PRELID2: variants seen among roughly 807,000 people sequenced by gnomAD.
PRELID2 encodes PRELI domain-containing protein 2.
A neutral mutation model predicts 28.4 loss-of-function variants in PRELID2; 25 were observed. The ratio of observed to expected loss-of-function variants is 0.88; its 90% CI spans 0.64 to 1.23. The LOEUF (loss-of-function observed/expected upper bound fraction) is 1.23, where lower values mean the gene tolerates loss of function less well. Among genes scored for constraint, PRELID2 ranks in the 50% most tolerant of loss-of-function variants. The pLI is 0.00. For missense variants in PRELID2, 201 were observed against 214.4 expected, an observed-to-expected ratio of 0.94 and a Z score of 0.39; for synonymous variants, 76 against 71.6, an observed-to-expected ratio of 1.06 and a Z score of -0.31.
chr5:145,263,838 G>A, the PRELID2 span, among the ~76,000 whole-genome samples: 1 of 148,234 alleles, frequency 6.7e-6, no homozygotes, highest in Non-Finnish European at 1.5e-5. Context: ...GATAGAAATG[G>A]TAATTAAAAA....
At chr5:145,734,603 G>GA (rs1469563505) in intron 1 of PRELID2, among the ~76,000 whole-genome samples, 4 of 152,070 alleles carry the variant, frequency 2.6e-5, no homozygotes, top group East Asian at 3.9e-4. Context: ...CATGTTTTAT[G>GA]AAAAAATTGA....
intron 1 of PRELID2, among the ~76,000 whole-genome samples, chr5:145,621,416 A>T (rs1348386043): frequency 2.6e-5 from 4 of 152,172 alleles, no homozygotes. Context: ...GAGATTTGAC[A>T]TTCTATATCT....
chr5:145,386,733 T>C, the PRELID2 span, among the ~76,000 whole-genome samples: 1 of 152,216 alleles, frequency 6.6e-6, no homozygotes, highest in Non-Finnish European at 1.5e-5. Context: ...TATAGCTTAA[T>C]AATATCTCTC....
chr5:145,456,336 T>A, the PRELID2 span, among the ~76,000 whole-genome samples: 1 of 152,202 alleles, frequency 6.6e-6, no homozygotes, highest in Non-Finnish European at 1.5e-5. Context: ...TGCAGACTAT[T>A]TTGTGTAGCG....
At chr5:145,734,087 G>A (rs1756425983) in intron 1 of PRELID2, among the ~76,000 whole-genome samples, 1 of 152,106 alleles carries the variant, frequency 6.6e-6, no homozygotes, top group South Asian at 2.1e-4. Context: ...TAGAGCTTCT[G>A]GAAGAATGCA....
the PRELID2 span, among the ~76,000 whole-genome samples, chr5:145,280,921 C>T: frequency 0.37 from 55,691 of 151,568 alleles, 11,348 homozygotes; most frequent in African/African-American, 0.54. Flanking sequence ...ATGGCGGGGG[C>T]TGGAGTAGGG....
chr5:145,536,751 T>C (rs1345739003), intron 1 of PRELID2, among the ~76,000 whole-genome samples: 2 of 151,936 alleles, frequency 1.3e-5, no homozygotes, highest in Non-Finnish European at 1.5e-5. Context: ...AATAAGGACA[T>C]AGTATTTTTT....
At chr5:145,821,274 C>G (rs912929369) in intron 2 of PRELID2, among the ~76,000 whole-genome samples, 5 of 144,490 alleles carry the variant, frequency 3.5e-5, no homozygotes, top group African/African-American at 1.3e-4. Flanking sequence ...TGTGTAAGCC[C>G]TCTTCTGTGT....
At chr5:145,290,751 AAT>A in the PRELID2 span, among the ~76,000 whole-genome samples, 1 of 152,184 alleles carries the variant, frequency 6.6e-6, no homozygotes, top group East Asian at 1.9e-4. Flanking sequence ...AAGTATAAAA[AAT>A]AAAATAAAAT....
chr5:145,377,085 G>T, the PRELID2 span, among the ~76,000 whole-genome samples: 2 of 152,100 alleles, frequency 1.3e-5, no homozygotes, highest in Non-Finnish European at 2.9e-5. Flanking sequence ...CTGGTCTGAT[G>T]TATATTTGTT....
At chr5:145,384,199 C>A in the PRELID2 span, among the ~76,000 whole-genome samples, 2 of 152,130 alleles carry the variant, frequency 1.3e-5, no homozygotes, top group Non-Finnish European at 2.9e-5. Context: ...GCATTTCATA[C>A]TTCGCTAAAG....
intron 1 of PRELID2, among the ~76,000 whole-genome samples, chr5:145,705,739 T>C (rs1050089330): frequency 1.3e-5 from 2 of 152,164 alleles, no homozygotes; most frequent in South Asian, 4.1e-4. Flanking sequence ...CAGCTATAGA[T>C]AATATGCGAA....
At chr5:145,793,431 C>T (rs1402380454) in intron 5 of PRELID2, among the ~76,000 whole-genome samples, 2 of 152,004 alleles carry the variant, frequency 1.3e-5, no homozygotes, top group South Asian at 2.1e-4. Context: ...TCCACAGAAA[C>T]CATTTATGCA....
chr5:145,612,642 C>T (rs1220213703), intron 1 of PRELID2, among the ~76,000 whole-genome samples: 1 of 152,110 alleles, frequency 6.6e-6, no homozygotes, highest in Non-Finnish European at 1.5e-5. Flanking sequence ...CCCCAAAGTC[C>T]ATTGCATCAT....
intron 5 of PRELID2, among the ~76,000 whole-genome samples, chr5:145,768,786 T>C (rs1481549010): frequency 6.6e-6 from 1 of 152,198 alleles, no homozygotes; most frequent in Non-Finnish European, 1.5e-5. Context: ...AGACGTTATT[T>C]ATTGAATCAA....
intron 1 of PRELID2, among the ~76,000 whole-genome samples, chr5:145,613,367 C>T (rs1444267627): frequency 6.6e-6 from 1 of 151,550 alleles, no homozygotes; most frequent in African/African-American, 2.4e-5. Flanking sequence ...CATATGTATA[C>T]ATGTGCCATG....
intron 1 of PRELID2, among the ~76,000 whole-genome samples, chr5:145,743,543 G>C (rs1756899435): frequency 6.6e-6 from 1 of 152,090 alleles, no homozygotes; most frequent in South Asian, 2.1e-4. Flanking sequence ...AGGATCCATG[G>C]AGAGCAAGGA....
chr5:145,451,865 G>A, the PRELID2 span, among the ~76,000 whole-genome samples: 43 of 152,148 alleles, frequency 2.8e-4, no homozygotes, highest in African/African-American at 9.6e-4. Context: ...ACTAAAAAAA[G>A]CCTGAATTAT....
intron 1 of PRELID2, among the ~76,000 whole-genome samples, chr5:145,676,430 T>A (rs1018164389): frequency 6.6e-5 from 10 of 151,854 alleles, no homozygotes; most frequent in African/African-American, 2.4e-4. Flanking sequence ...TCCTAGCCAC[T>A]CGGGAGGCTG....
Sources: gnomAD v4.1 joint callset for allele counts (sites outside exome capture counted in the v4.1 genomes callset) on GRCh38, gnomAD v4.1.1 for gene constraint, MANE v1.5 for transcripts, NCBI Gene and HGNC (gene_info 2026-07-23, HGNC 2026-07-21) for gene names.